WDR35: variants seen among roughly 807,000 people sequenced by gnomAD.
WDR35 encodes WD repeat-containing protein 35.
WDR35 carries 118 observed loss-of-function variants against 158.3 expected under a neutral mutation model. That is an observed-to-expected ratio of 0.75 (90% CI 0.64 to 0.87). The LOEUF (loss-of-function observed/expected upper bound fraction) is 0.87. WDR35 is among the 40% of genes least tolerant of loss of function. The pLI is 0.00. For synonymous variants in WDR35, 448 were observed against 476.1 expected, an observed-to-expected ratio of 0.94 and a Z score of 0.77; for missense variants, 1,263 against 1,405.8, an observed-to-expected ratio of 0.90 and a Z score of 1.62.
intron 4 of WDR35, among the ~76,000 whole-genome samples, chr2:19,979,794 C>G (rs1179706319): frequency 5.3e-5 from 8 of 151,934 alleles, no homozygotes; most frequent in Admixed American, 2.0e-4. Context: ...CACACACACA[C>G]ACACACACAC....
At position 19,914,132 on chromosome 2, in the gene WDR35, T is replaced by C. The variant is rs1329850153; in HGVS notation, c.3267A>G (p.Glu1089=). 17 of 1,614,062 alleles carry C rather than the reference T, an allele frequency of 1.1e-5. No homozygotes were observed. The highest frequency in any genetic ancestry group is 1.4e-5 in the Non-Finnish European group (16 of 1,180,016). The change falls in exon 26 of 27, where the codon GAA becomes GAG. Residue 1089 remains glutamate (E), a synonymous_variant. Transcript: ENST00000281405. ...CAAGGTCTTCATACTGCTGTTTCTG[T>C]TCTGAACTGAGGGTCTCTAAAGATT... The part of the protein sequence containing the change: ...KLKSLETLSS[E]QKQQYEDLAL...
At position 19,922,497 on chromosome 2, in the gene WDR35, T is replaced by G. The variant is rs192611523; in HGVS notation, c.3121+7899A>C. ...GAAAACCAAACACCTCAGGTTCTCA[T>G]TCATAAGTGGGAGTCGAACAATGAG... On this transcript the variant is annotated intron_variant, in intron 25 of 26. Transcript: ENST00000281405. Among the ~76,000 whole-genome samples, 68 of 151,110 alleles carry G rather than the reference T, an allele frequency of 4.5e-4. 1 individual carries two copies. In the East Asian group the frequency reaches 0.012, roughly 26 times the overall value.
Position 19,945,771 on chromosome 2 carries a change from A to G in WDR35, c.1845+15T>C. ...CATTATTTATAGACTGTTAACACTC[A>G]TTTCTTGTTTTTACCTCAGGATCCA... is the stretch of plus-strand genomic sequence containing the variant. On this transcript the variant is annotated intron_variant, in intron 16 of 26. Coordinates refer to ENST00000281405, the MANE Select transcript of WDR35 (RefSeq NM_020779.4). The G allele has an allele frequency of 6.2e-7, 1 of 1,613,428 alleles. No homozygotes were observed. The highest frequency in any genetic ancestry group is 1.3e-5 in the African/African-American group (1 of 75,038).
Position 19,974,608 on chromosome 2 carries a change from A to C in WDR35, c.596T>G (p.Val199Gly). The change falls in exon 7 of 27, where the codon GTG (valine) becomes GGG (glycine). Residue 199 changes from valine (V) to glycine (G), a missense_variant. By Grantham distance (109) the Val-to-Gly change is moderately radical. Transcript: ENST00000281405. ...AATGCTGATAGCTCCAGTGACATTC[A>C]CCAAACAACTCAGTTTCATTTTTAT... Reference protein sequence around the residue: ...FMIKMKLSCLVNVTGAISIAG... With the variant: ...FMIKMKLSCLGNVTGAISIAG... 2 of 1,613,780 alleles carry C rather than the reference A, an allele frequency of 1.2e-6. No homozygotes were observed. The highest frequency in any genetic ancestry group is 1.7e-6 in the Non-Finnish European group (2 of 1,179,824).
chr2:19,923,270 A>G (rs1670238630), intron 25 of WDR35, among the ~76,000 whole-genome samples: 1 of 152,072 alleles, frequency 6.6e-6, no homozygotes, highest in Non-Finnish European at 1.5e-5. Flanking sequence ...AGTGGCATCC[A>G]CCGTGGGGGC....
intron 10 of WDR35, among the ~76,000 whole-genome samples, chr2:19,962,487 T>C (rs1042467606): frequency 2.0e-5 from 3 of 152,132 alleles, no homozygotes; most frequent in African/African-American, 4.8e-5. Context: ...CATCACATTG[T>C]TTTAAAGTGA....
chr2:19,922,747 T>C (rs2103387803), intron 25 of WDR35, among the ~76,000 whole-genome samples: 1 of 152,228 alleles, frequency 6.6e-6, no homozygotes, highest in South Asian at 2.1e-4. Context: ...GTTTCATGAA[T>C]GTTGGGAACA....
At chr2:19,953,661 CTTTTA>C (rs1218045522) in intron 12 of WDR35, among the ~76,000 whole-genome samples, 168 bp downstream of exon 12, 2 of 152,154 alleles carry the variant, frequency 1.3e-5, no homozygotes, top group African/African-American at 2.4e-5. Flanking sequence ...TTCTACTTCT[CTTTTA>C]TTTTAATAAA....
At chr2:19,964,671 A>C (rs766929470) in intron 10 of WDR35, among the ~76,000 whole-genome samples, 1 of 152,000 alleles carries the variant, frequency 6.6e-6, no homozygotes, top group Non-Finnish European at 1.5e-5. Context: ...CTTTTTAGAA[A>C]TATTATTGAA....
At chr2:19,952,235 T>C (rs1183162719) in intron 12 of WDR35, among the ~76,000 whole-genome samples, 1 of 152,234 alleles carries the variant, frequency 6.6e-6, no homozygotes, top group African/African-American at 2.4e-5. Flanking sequence ...ACACATTATT[T>C]AGCTTCCACT....
At chr2:19,926,430 C>A (rs895824109) in intron 25 of WDR35, among the ~76,000 whole-genome samples, 38 of 152,232 alleles carry the variant, frequency 2.5e-4, no homozygotes, top group Non-Finnish European at 1.9e-4. Context: ...AAGCTTGTAG[C>A]TGTAATTGAG....
intron 2 of WDR35, among the ~76,000 whole-genome samples, chr2:19,988,308 T>C (rs1000208289): frequency 5.3e-5 from 8 of 152,324 alleles, no homozygotes; most frequent in African/African-American, 1.9e-4. Flanking sequence ...TGTAAGGTAA[T>C]GCTATTCAAA....
At chr2:19,962,947 T>TA (rs1671710945) in intron 10 of WDR35, among the ~76,000 whole-genome samples, 1 of 152,216 alleles carries the variant, frequency 6.6e-6, no homozygotes, top group Non-Finnish European at 1.5e-5. Flanking sequence ...GGCTTCTTAC[T>TA]AAAAAATGGC....
At chr2:19,933,276 G>T in intron 22 of WDR35, 125 bp downstream of exon 22, 1 of 793,514 alleles carries the variant, frequency 1.3e-6, no homozygotes, top group Non-Finnish European at 2.1e-6. Context: ...TAAAATTCAC[G>T]TCAGGCTCTC....
At chr2:19,929,420 T>A (rs1670459218) in intron 25 of WDR35, among the ~76,000 whole-genome samples, 1 of 152,190 alleles carries the variant, frequency 6.6e-6, no homozygotes, top group South Asian at 2.1e-4. Flanking sequence ...ATGGATGATG[T>A]CACCAATATG....
In WDR35 at chr2:19,974,557, G is replaced by T. The variant is rs1672145032; in HGVS notation, c.647C>A (p.Thr216Lys). 6.2e-7 allele frequency: 1 copy of T among 1,613,502 alleles called. No individual in the cohort carries two copies. The highest frequency in any genetic ancestry group is 8.5e-7 in the Non-Finnish European group (1 of 1,179,716). ...GCAATCAGGCTCCACGTAGCCTTCT[G>T]TGCCATGGTACCAATGAATTCCAGC... ...SIAGIHWYHG[T>K]EGYVEPDCPC... Residue 216 changes from threonine to lysine, a missense_variant, in exon 7 of 27, where the codon ACA becomes AAA. Transcript: ENST00000281405.
chr2:19,984,696 T>C (rs192992839), intron 2 of WDR35, among the ~76,000 whole-genome samples: 51 of 152,312 alleles, frequency 3.3e-4, no homozygotes, highest in African/African-American at 1.2e-3. Flanking sequence ...CAGAAGATCA[T>C]GCTAATAACA....
At chr2:19,980,423 G>T (rs576915207) in intron 4 of WDR35, among the ~76,000 whole-genome samples, 1 of 152,002 alleles carries the variant, frequency 6.6e-6, no homozygotes, top group Non-Finnish European at 1.5e-5. Flanking sequence ...CTTATCTCAA[G>T]TAGAAGCTAT....
rs556961120 is a variant in WDR35 at position 19,946,107 on chromosome 2, G to A, written c.1635-111C>T. 19 of 1,166,918 alleles carry A rather than the reference G, an allele frequency of 1.6e-5. No individual in the cohort carries two copies. In the East Asian group the frequency reaches 3.7e-4, roughly 23 times the overall value. 72.3% of individuals were successfully genotyped at this position (1,166,918 alleles called of 1,614,324 possible). On this transcript the variant is annotated intron_variant, in intron 15 of 26. Coordinates refer to ENST00000281405, the MANE Select transcript of WDR35 (RefSeq NM_020779.4). ...TTCAAAATCAGATTATCAGAAACCTGGAATACAGTAGAAATGGCTTAAAAT... is the reference window on the plus strand; with the variant it reads ...TTCAAAATCAGATTATCAGAAACCTAGAATACAGTAGAAATGGCTTAAAAT...
Sources: allele counts gnomAD v4.1 joint callset (sites outside exome capture counted in the v4.1 genomes callset), GRCh38; gene constraint gnomAD v4.1.1; transcripts MANE v1.5; gene names NCBI Gene and HGNC (gene_info 2026-07-23, HGNC 2026-07-21).